The following HOMER2 variants were observed in gnomAD, a reference collection of about 807,000 sequenced individuals.
HOMER2 encodes homer scaffold protein 2.
A neutral mutation model predicts 47.0 loss-of-function variants in HOMER2; 27 were observed. The ratio of observed to expected loss-of-function variants is 0.57; its 90% CI spans 0.42 to 0.79. The LOEUF (loss-of-function observed/expected upper bound fraction) is 0.79. HOMER2 is among the 30% of genes least tolerant of loss of function. The probability of loss-of-function intolerance (pLI) is 0.00; values close to 1 mark genes in which losing one functional copy is unlikely to be tolerated. For missense variants in HOMER2, 443 were observed against 435.0 expected (o/e 1.02, Z -0.16); for synonymous variants, 161 against 163.8 (o/e 0.98, Z 0.13).
chr15:82,929,653 C>CAAAAAAAAAA (rs373315567), intron 1 of HOMER2, among the ~76,000 whole-genome samples: 1 of 91,004 alleles, frequency 1.1e-5, no homozygotes, highest in Non-Finnish European at 2.2e-5. Context: ...GTGAGACTAT[C>CAAAAAAAAAA]AAAAAAAAAA....
intron 3 of HOMER2, among the ~76,000 whole-genome samples, chr15:82,868,541 A>ATATATATATATATAT: frequency 7.0e-5 from 5 of 71,264 alleles, no homozygotes; most frequent in Non-Finnish European, 1.4e-4. Context: ...ATATATATAT[A>ATATATATATATATAT]TTTTTTTTTT....
exon 2 of HOMER2, chr15:82,958,443 T>C (rs1342281065): frequency 6.6e-6 from 1 of 152,286 alleles, no homozygotes; most frequent in Non-Finnish European, 1.5e-5. Flanking sequence ...AAGAGGTAAG[T>C]TGGGACCACT....
chr15:82,850,923 G>C (rs1016970005), intron 8 of HOMER2, among the ~76,000 whole-genome samples: 3 of 152,228 alleles, frequency 2.0e-5, no homozygotes, highest in African/African-American at 7.2e-5. Context: ...GATGCACAGG[G>C]GCCTTCATAG....
intron 1 of HOMER2, among the ~76,000 whole-genome samples, chr15:82,930,823 T>G (rs2053987486): frequency 6.6e-6 from 1 of 152,080 alleles, no homozygotes; most frequent in Non-Finnish European, 1.5e-5. Flanking sequence ...GTCTGGAGTT[T>G]GAGACCAGCC....
intron 5 of HOMER2, among the ~76,000 whole-genome samples, chr15:82,857,767 G>A (rs891318150): frequency 6.6e-6 from 1 of 152,078 alleles, no homozygotes; most frequent in East Asian, 1.9e-4. Context: ...GAGGAGGGGG[G>A]CTTCTCGGTC....
intron 3 of HOMER2, among the ~76,000 whole-genome samples, chr15:82,872,578 C>A (rs1298591427): frequency 6.6e-6 from 1 of 152,220 alleles, no homozygotes; most frequent in African/African-American, 2.4e-5. Context: ...TCTGGCATGA[C>A]CAATAAAGCC....
chr15:82,938,755 C>T (rs1300668503), intron 1 of HOMER2, among the ~76,000 whole-genome samples: 1 of 152,222 alleles, frequency 6.6e-6, no homozygotes, highest in Non-Finnish European at 1.5e-5. Context: ...AGGCTGCTCT[C>T]AAACTCCCTC....
chr15:82,882,046 G>A (rs1285963903), intron 2 of HOMER2, among the ~76,000 whole-genome samples: 1 of 152,252 alleles, frequency 6.6e-6, no homozygotes, highest in Non-Finnish European at 1.5e-5. Context: ...TGAAAATGGA[G>A]TTTCTTTATA....
At chr15:82,851,125 G>C (rs1370342325) in intron 8 of HOMER2, 26 bp downstream of exon 8, 2 of 1,483,042 alleles carry the variant, frequency 1.3e-6, no homozygotes, top group Non-Finnish European at 1.9e-6. Context: ...TCTGAGCCAG[G>C]ATGGCTGTGC....
intron 1 of HOMER2, among the ~76,000 whole-genome samples, chr15:82,940,710 G>T (rs936892435): frequency 2.0e-5 from 3 of 152,002 alleles, no homozygotes; most frequent in African/African-American, 7.2e-5. Flanking sequence ...TCTAGCCTGG[G>T]TGACAGAAGG....
Position 82,852,164 on chromosome 15 carries a change from G to A in HOMER2, c.740C>T (p.Ala247Val), listed in dbSNP as rs773424463. 1 of 1,613,178 alleles carries A rather than the reference G, an allele frequency of 6.2e-7. No homozygotes were observed. The highest frequency in any genetic ancestry group is 8.5e-7 in the Non-Finnish European group (1 of 1,179,214). Residue 247 changes from alanine (A) to valine (V), a missense_variant, in exon 7 of 9, where the codon GCA becomes GTA. Physicochemically the swap from Ala to Val is moderately conservative, Grantham distance 64. Coordinates refer to ENST00000450735, the MANE Select transcript of HOMER2 (RefSeq NM_004839.4). The part of the protein sequence containing the change: ...QLKRRIEELE[A>V]ELREKETELK... The stretch of plus-strand genomic sequence containing the variant: ...CACTGTCTCCTTTTCTCGGAGCTCT[G>A]CCTCCAGCTCCTCGATCCTCCTCTT...
chr15:82,926,476 T>C (rs2053855031), intron 1 of HOMER2: 1 of 152,228 alleles, frequency 6.6e-6, no homozygotes, highest in Non-Finnish European at 1.5e-5. Context: ...TCATCTGAGC[T>C]TAGGAGTTTG....
At chr15:82,874,158 C>G (rs1328415614) in intron 3 of HOMER2, among the ~76,000 whole-genome samples, 3 of 152,214 alleles carry the variant, frequency 2.0e-5, no homozygotes, top group African/African-American at 7.2e-5. Flanking sequence ...ATGGTGTCAG[C>G]AGAGCAGAGG....
chr15:82,920,120 T>C (rs2053690603), intron 1 of HOMER2, among the ~76,000 whole-genome samples: 1 of 152,192 alleles, frequency 6.6e-6, no homozygotes, highest in African/African-American at 2.4e-5. Context: ...TTCATAGCCA[T>C]CTGTCCAGAA....
intron 5 of HOMER2, among the ~76,000 whole-genome samples, chr15:82,856,621 CAAAT>C (rs377175110): frequency 6.6e-5 from 10 of 152,004 alleles, no homozygotes; most frequent in African/African-American, 1.2e-4. Flanking sequence ...CCTCAAAAAA[CAAAT>C]AAATAAATAA....
At chr15:82,874,340 T>C (rs1404299520) in intron 3 of HOMER2, among the ~76,000 whole-genome samples, 1 of 152,226 alleles carries the variant, frequency 6.6e-6, no homozygotes, top group African/African-American at 2.4e-5. Context: ...ATAAATTTCT[T>C]TGACTTGTAA....
At position 82,892,763 on chromosome 15, in the gene HOMER2, G is replaced by A. The variant is rs781121946; in HGVS notation, c.84C>T (p.Ser28=). The change falls in exon 2 of 9, where the codon AGC becomes AGT. Residue 28 remains serine (S), a synonymous_variant. Transcript: ENST00000450735. ...AGTAGGAAACGGTGACCGCCTGCTT[G>A]CTCGCAGGCATCCAGTTCTTCTTGG... The part of the protein sequence containing the change: ...PNTKKNWMPA[S]KQAVTVSYFY... The A allele has an allele frequency of 1.2e-6, 2 of 1,607,038 alleles. No homozygotes were observed. Among genetic ancestry groups the A allele is most frequent in the South Asian group, 1.1e-5 (1 of 90,020 alleles).
intron 7 of HOMER2, among the ~76,000 whole-genome samples, chr15:82,851,652 G>A (rs1281596196): frequency 4.6e-5 from 7 of 152,192 alleles, no homozygotes; most frequent in Non-Finnish European, 1.0e-4. Flanking sequence ...CGTGTGTGTG[G>A]TGCTCTCATG....
At chr15:82,914,936 C>T (rs908915678) in intron 1 of HOMER2, among the ~76,000 whole-genome samples, 4 of 152,022 alleles carry the variant, frequency 2.6e-5, no homozygotes, top group African/African-American at 7.2e-5. Context: ...GTAACCTTAG[C>T]GCCTTGGGAA....
Sources: allele counts gnomAD v4.1 joint callset (sites outside exome capture counted in the v4.1 genomes callset), GRCh38; gene constraint gnomAD v4.1.1; transcripts MANE v1.5; gene names NCBI Gene and HGNC (gene_info 2026-07-23, HGNC 2026-07-21).